The following INO80D variants were observed in gnomAD, a reference collection of about 807,000 sequenced individuals.
INO80D encodes INO80 complex subunit D.
INO80D carries 21 observed loss-of-function variants against 87.6 expected under a neutral mutation model. The observed-to-expected ratio is 0.24, with a 90% confidence interval of 0.17 to 0.35. The LOEUF is 0.35. Among genes scored for constraint, INO80D ranks in the 10% least tolerant of loss-of-function variants. The pLI is 1.00. For missense variants in INO80D, 982 were observed against 1,280.7 expected, an observed-to-expected ratio of 0.77 and a Z score of 3.56; for synonymous variants, 440 against 491.0, an observed-to-expected ratio of 0.90 and a Z score of 1.37.
intron 5 of INO80D, among the ~76,000 whole-genome samples, chr2:206,043,986 G>A (rs1367555088): frequency 1.3e-5 from 2 of 152,158 alleles, no homozygotes; most frequent in East Asian, 1.9e-4. Flanking sequence ...CAGACCAGGA[G>A]TTCCAGACCA....
In INO80D at chr2:205,995,199, T is replaced by C. The variant is rs1259107446; in HGVS notation, c.*9169A>G. Reference sequence around the variant, plus strand: ...TATAAGTGAAATAAACAGTCTGGTCTGTGGAACATCTCCACTTCAGAGAGA... The same window carrying C: ...TATAAGTGAAATAAACAGTCTGGTCCGTGGAACATCTCCACTTCAGAGAGA... On this transcript the variant is annotated 3_prime_UTR_variant, in exon 11 of 11. Coordinates refer to ENST00000403263, the MANE Select transcript of INO80D (RefSeq NM_017759.5). 6.6e-6 allele frequency: 1 copy of C among 152,206 alleles called. No individual in the cohort carries two copies. Among genetic ancestry groups the C allele is most frequent in the Non-Finnish European group, 1.5e-5 (1 of 68,032 alleles). 9.4% of individuals were successfully genotyped at this position (152,206 alleles called of 1,614,324 possible). A position where few individuals can be genotyped will look rare whatever the true frequency, so the allele number is the denominator to read the frequency against.
intron 7 of INO80D, 124 bp from the exon 8 acceptor site, chr2:206,017,937 C>A: frequency 1.3e-6 from 1 of 794,990 alleles, no homozygotes; most frequent in South Asian, 2.0e-5. Context: ...ATAAATATTA[C>A]CCATATCAGT....
At chr2:206,012,185 A>T (rs567310411) in intron 8 of INO80D, among the ~76,000 whole-genome samples, 4 of 152,352 alleles carry the variant, frequency 2.6e-5, no homozygotes, top group Admixed American at 6.5e-5. Context: ...TTCCCTTTCT[A>T]TGACATTCTG....
intron 1 of INO80D, among the ~76,000 whole-genome samples, chr2:206,069,180 T>A (rs1246328166): frequency 2.0e-5 from 3 of 151,738 alleles, no homozygotes; most frequent in Admixed American, 6.6e-5. Flanking sequence ...TATACATGGA[T>A]TTTTTTTCCT....
intron 6 of INO80D, chr2:206,025,542 A>AAAAAAAAAAAAT (rs71301548): frequency 1.3e-5 from 1 of 76,936 alleles, no homozygotes; most frequent in African/African-American, 4.4e-5. Flanking sequence ...AAAAAAAAAA[A>AAAAAAAAAAAAT]ATATATATAT....
intron 8 of INO80D, among the ~76,000 whole-genome samples, chr2:206,013,267 T>C (rs558465054): frequency 6.6e-6 from 1 of 152,144 alleles, no homozygotes; most frequent in South Asian, 2.1e-4. Flanking sequence ...ATAATGGTTA[T>C]AGGAGGCCAG....
At chr2:206,059,197 G>A (rs1481610818) in intron 3 of INO80D, among the ~76,000 whole-genome samples, 2 of 151,864 alleles carry the variant, frequency 1.3e-5, no homozygotes, top group South Asian at 2.1e-4. Context: ...CCTGGCCAAC[G>A]TGGTGAAACC....
At position 206,000,128 on chromosome 2, in the gene INO80D, G is replaced by A. The variant is rs1687879633; in HGVS notation, c.*4240C>T. 1 of 152,060 alleles carries A rather than the reference G, an allele frequency of 6.6e-6. No individual in the cohort carries two copies. The highest frequency in any genetic ancestry group is 1.9e-4 in the East Asian group (1 of 5,194). 9.4% of individuals were successfully genotyped at this position (152,060 alleles called of 1,614,324 possible). A position where few individuals can be genotyped will look rare whatever the true frequency, so the allele number is the denominator to read the frequency against. On this transcript the variant is annotated 3_prime_UTR_variant, in exon 11 of 11. Transcript: ENST00000403263. ...TTGCCTCATTAAACTGGAGAGTTCT[G>A]TTGACCATTTAGAAGACCATAATAT... is the stretch of plus-strand genomic sequence containing the variant.
At chr2:206,054,577 A>C (rs979566731) in intron 4 of INO80D, among the ~76,000 whole-genome samples, 10 of 151,806 alleles carry the variant, frequency 6.6e-5, no homozygotes, top group African/African-American at 1.9e-4. Flanking sequence ...GCAGTGGCAC[A>C]ATCTCGGCTC....
At chr2:206,018,526 A>G (rs528421611) in intron 7 of INO80D, among the ~76,000 whole-genome samples, 1 of 152,332 alleles carries the variant, frequency 6.6e-6, no homozygotes, top group East Asian at 1.9e-4. Context: ...ATTTAAAGAT[A>G]TAGTTATTAG....
intron 6 of INO80D, among the ~76,000 whole-genome samples, chr2:206,020,268 C>A (rs1436420253): frequency 6.6e-6 from 1 of 152,112 alleles, no homozygotes; most frequent in Admixed American, 6.6e-5. Context: ...AATTTTCTCA[C>A]CTGTAAAGTA....
intron 9 of INO80D, chr2:206,007,976 A>C (rs1688070767): frequency 6.6e-6 from 1 of 152,256 alleles, no homozygotes; most frequent in South Asian, 2.1e-4. Flanking sequence ...AGCCAATCCT[A>C]ATGTCTTCTA....
At chr2:206,075,942 C>T (rs1372777353) in intron 1 of INO80D, among the ~76,000 whole-genome samples, 1 of 151,376 alleles carries the variant, frequency 6.6e-6, no homozygotes, top group Non-Finnish European at 1.5e-5. Flanking sequence ...ATCCCAGGTA[C>T]TCTGGAGGCT....
At chr2:206,025,542 A>AAAAATATATATATATAT (rs71301548) in intron 6 of INO80D, 1 of 76,942 alleles carries the variant, frequency 1.3e-5, no homozygotes, top group African/African-American at 4.4e-5. Flanking sequence ...AAAAAAAAAA[A>AAAAATATATATATATAT]ATATATATAT....
At chr2:206,057,781 A>C (rs1248015923) in intron 3 of INO80D, among the ~76,000 whole-genome samples, 2 of 152,088 alleles carry the variant, frequency 1.3e-5, no homozygotes, top group Non-Finnish European at 1.5e-5. Context: ...TCATGTAGCC[A>C]AATACCACCT....
chr2:206,080,648 C>T (rs2105913020), intron 1 of INO80D, among the ~76,000 whole-genome samples: 1 of 152,196 alleles, frequency 6.6e-6, no homozygotes. Context: ...TGGCTCACGC[C>T]TGTTATCCCA....
At position 205,997,685 on chromosome 2, in the gene INO80D, C is replaced by T. The variant is rs1364038291; in HGVS notation, c.*6683G>A. On this transcript the variant is annotated 3_prime_UTR_variant, in exon 11 of 11. Transcript: ENST00000403263. ...TCTTAGAACCTCCTGTTTCTCATGT[C>T]ATTTTATGAACATAGCATAATATAA... The T allele has an allele frequency of 6.6e-6, 1 of 152,086 alleles. No individual in the cohort carries two copies. Among genetic ancestry groups the T allele is most frequent in the Non-Finnish European group, 1.5e-5 (1 of 67,974 alleles). The allele number at this position is 152,086 out of a possible 1,614,324, so 9.4% of individuals were successfully genotyped here.
In INO80D at chr2:205,995,673, C is replaced by T. The variant is rs1218609874; in HGVS notation, c.*8695G>A. 6.6e-6 allele frequency: 1 copy of T among 152,062 alleles called. No individual in the cohort carries two copies. Among genetic ancestry groups the T allele is most frequent in the Non-Finnish European group, 1.5e-5 (1 of 67,990 alleles). The allele number at this position is 152,062 out of a possible 1,614,324, so 9.4% of individuals were successfully genotyped here. The stretch of plus-strand genomic sequence containing the variant: ...ACATACGAAAGCATATGTACACATG[C>T]TCTGACATGTATATATACACTTTTG... On this transcript the variant is annotated 3_prime_UTR_variant, in exon 11 of 11. Coordinates refer to ENST00000403263, the MANE Select transcript of INO80D (RefSeq NM_017759.5).
rs1338038426 is a variant in INO80D at position 205,999,210 on chromosome 2, G to GA, written c.*5157dup. 6.6e-6 allele frequency: 1 copy of GA among 152,304 alleles called. No individual in the cohort carries two copies. Among genetic ancestry groups the GA allele is most frequent in the Non-Finnish European group, 1.5e-5 (1 of 68,174 alleles). The allele number at this position is 152,304 out of a possible 1,614,324, so 9.4% of individuals were successfully genotyped here. On this transcript the variant is annotated 3_prime_UTR_variant, in exon 11 of 11. Transcript: ENST00000403263. ...AAACAAACAAAAACAAACAAACGAAGAAAAAAGAAACAAGTGAAAGAAGAG... is the reference window on the plus strand; with the variant it reads ...AAACAAACAAAAACAAACAAACGAAGAAAAAAAGAAACAAGTGAAAGAAGAG...
Sources: allele counts gnomAD v4.1 joint callset (sites outside exome capture counted in the v4.1 genomes callset), GRCh38; gene constraint gnomAD v4.1.1; transcripts MANE v1.5; gene names NCBI Gene and HGNC (gene_info 2026-07-23, HGNC 2026-07-21).